The following SCAF4 variants were observed in gnomAD, a reference collection of about 807,000 sequenced individuals.
SCAF4 encodes SR-related CTD associated factor 4.
A neutral mutation model predicts 129.8 loss-of-function variants in SCAF4; 25 were observed. The ratio of observed to expected loss-of-function variants is 0.19; its 90% CI spans 0.14 to 0.27. SCAF4 has a LOEUF of 0.27. SCAF4 is among the 10% of genes least tolerant of loss of function. The pLI is 1.00. For synonymous variants in SCAF4, 551 were observed against 497.7 expected (o/e 1.11, Z -1.43); for missense variants, 1,246 against 1,457.1 (o/e 0.86, Z 2.36).
At chr21:31,694,060 C>T in intron 11 of SCAF4, 144 bp downstream of exon 11, 2 of 460,908 alleles carry the variant, frequency 4.3e-6, no homozygotes, top group South Asian at 1.1e-4. Context: ...CTTCACCTGC[C>T]CCCTTCTACA....
At chr21:31,679,578 G>A (rs994224058) in intron 19 of SCAF4, among the ~76,000 whole-genome samples, 3 of 152,144 alleles carry the variant, frequency 2.0e-5, no homozygotes, top group African/African-American at 7.2e-5. Flanking sequence ...CTTTCAGATT[G>A]TATTATACAT....
Position 31,672,202 on chromosome 21 carries a change from T to A in SCAF4, c.2641A>T (p.Met881Leu), listed in dbSNP as rs372555523. 6.2e-7 allele frequency: 1 copy of A among 1,606,448 alleles called. No homozygotes were observed. Among genetic ancestry groups the A allele is most frequent in the African/African-American group, 1.3e-5 (1 of 74,638 alleles). The change falls in exon 20 of 20, where the codon ATG becomes TTG. Residue 881 changes from methionine (M) to leucine (L), a missense_variant. Transcript: ENST00000286835. ...CCTCTGTGCATCATGTGCGGTGGCA[T>A]GGGACGGGGCGGCATCAAAGGGAAC... ...QRFPLMPPRP[M>L]PPHMMHRGPP...
chr21:31,707,710 C>A (rs1241328778), intron 1 of SCAF4, among the ~76,000 whole-genome samples: 1 of 152,110 alleles, frequency 6.6e-6, no homozygotes, highest in Non-Finnish European at 1.5e-5. Flanking sequence ...AGGGTATGAA[C>A]CTTTACTAGA....
At chr21:31,692,542 G>C (rs1488566137) in intron 12 of SCAF4, 93 bp from the exon 13 acceptor site, 2 of 788,824 alleles carry the variant, frequency 2.5e-6, no homozygotes, top group East Asian at 2.7e-5. Flanking sequence ...AAATATTCAT[G>C]AACTATATTA....
intron 8 of SCAF4, 112 bp from the exon 9 acceptor site, chr21:31,696,333 T>C (rs2050384906): frequency 2.7e-6 from 2 of 728,880 alleles, no homozygotes; most frequent in Non-Finnish European, 4.4e-6. Flanking sequence ...TACTGAACCA[T>C]ATATTTACCT....
chr21:31,717,938 CACACACACAT>C (rs1279325665), intron 1 of SCAF4, among the ~76,000 whole-genome samples: 3,713 of 135,346 alleles, frequency 0.027, 185 homozygotes, highest in African/African-American at 0.091. Flanking sequence ...CACACACACA[CACACACACAT>C]ATATATTTTT....
At chr21:31,711,521 T>C (rs1306897783) in intron 1 of SCAF4, among the ~76,000 whole-genome samples, 2 of 152,232 alleles carry the variant, frequency 1.3e-5, no homozygotes, top group South Asian at 2.1e-4. Context: ...GATGTTATCA[T>C]TCCATTTTAC....
intron 11 of SCAF4, 111 bp downstream of exon 11, chr21:31,694,093 C>A: frequency 1.6e-6 from 1 of 611,222 alleles, no homozygotes. Context: ...TACAAACATA[C>A]CAACTGTTAT....
chr21:31,687,937 G>A (rs570396740), intron 16 of SCAF4, among the ~76,000 whole-genome samples: 3 of 151,608 alleles, frequency 2.0e-5, no homozygotes, highest in South Asian at 2.1e-4. Flanking sequence ...GTGAAGCCCC[G>A]TCTCTACTAA....
At chr21:31,729,559 G>T (rs1271323457) in intron 1 of SCAF4, among the ~76,000 whole-genome samples, 1 of 151,216 alleles carries the variant, frequency 6.6e-6, no homozygotes, top group Non-Finnish European at 1.5e-5. Flanking sequence ...AGAGATTCAA[G>T]ATTATATGGG....
chr21:31,709,350 C>CAAAAAAAAAAAAAAAAAAA (rs376581889), intron 1 of SCAF4, among the ~76,000 whole-genome samples: 2 of 117,810 alleles, frequency 1.7e-5, no homozygotes, highest in South Asian at 2.7e-4. Context: ...CTGAAACTGT[C>CAAAAAAAAAAAAAAAAAAA]AAAAAAAAAA....
intron 19 of SCAF4, among the ~76,000 whole-genome samples, chr21:31,679,910 G>GC (rs2049957458): frequency 1.3e-5 from 2 of 152,138 alleles, no homozygotes; most frequent in African/African-American, 4.8e-5. Flanking sequence ...TTGACAAAGT[G>GC]CAATAGCTAT....
chr21:31,699,495 ATTAT>A (rs1231156458), intron 7 of SCAF4, among the ~76,000 whole-genome samples: 2 of 146,810 alleles, frequency 1.4e-5, no homozygotes, highest in African/African-American at 5.3e-5. Context: ...AACTTTCTGT[ATTAT>A]TTGTTTTTTT....
intron 1 of SCAF4, among the ~76,000 whole-genome samples, chr21:31,723,836 G>T (rs566923956): frequency 6.6e-5 from 10 of 152,210 alleles, no homozygotes; most frequent in African/African-American, 2.4e-4. Flanking sequence ...TTTACACCAA[G>T]AATCATCAAT....
At chr21:31,689,730 C>CAA (rs1329524586) in intron 15 of SCAF4, among the ~76,000 whole-genome samples, 2 of 150,618 alleles carry the variant, frequency 1.3e-5, no homozygotes, top group Non-Finnish European at 3.0e-5. Flanking sequence ...GTCAGGAGTT[C>CAA]GAGGCCAGCC....
intron 16 of SCAF4, 94 bp from the exon 17 acceptor site, chr21:31,685,827 GA>G (rs2050108857): frequency 8.0e-7 from 1 of 1,244,166 alleles, no homozygotes; most frequent in Non-Finnish European, 1.1e-6. Context: ...TGAAAAAATA[GA>G]TGTTTCTTAA....
chr21:31,722,712 T>G (rs1050446289), intron 1 of SCAF4, among the ~76,000 whole-genome samples: 4 of 152,172 alleles, frequency 2.6e-5, no homozygotes, highest in African/African-American at 9.7e-5. Context: ...TCCCAGCACT[T>G]TGGGAGGCTG....
chr21:31,676,258 G>C (rs1001853602), intron 19 of SCAF4, among the ~76,000 whole-genome samples: 1 of 152,212 alleles, frequency 6.6e-6, no homozygotes, highest in South Asian at 2.1e-4. Context: ...CACTAATAAA[G>C]TCATTACTTC....
chr21:31,688,469 G>C lies in SCAF4; in HGVS notation c.1886-5C>G. ...TCTTAGGAATTCCTTTCCAATCTGT[G>C]AGCGTGAAAGAAATTTAACAAGAGT... On this transcript the variant is annotated splice_polypyrimidine_tract_variant and splice_region_variant and intron_variant, in intron 15 of 19. Transcript: ENST00000286835. The C allele has an allele frequency of 6.2e-7, 1 of 1,609,268 alleles. No individual in the cohort carries two copies. Among genetic ancestry groups the C allele is most frequent in the Non-Finnish European group, 8.5e-7 (1 of 1,176,688 alleles).
Sources: allele counts gnomAD v4.1 joint callset (sites outside exome capture counted in the v4.1 genomes callset), GRCh38; gene constraint gnomAD v4.1.1; transcripts MANE v1.5; gene names NCBI Gene and HGNC (gene_info 2026-07-23, HGNC 2026-07-21).